The following KLHL41 variants were observed in gnomAD, a reference collection of about 807,000 sequenced individuals.
KLHL41 encodes the protein kelch-like protein 41.
KLHL41 carries 31 observed loss-of-function variants against 49.2 expected under a neutral mutation model. The observed-to-expected ratio is 0.63, with a 90% CI of 0.47 to 0.85. The LOEUF (loss-of-function observed/expected upper bound fraction) is 0.85, where lower values mean the gene tolerates loss of function less well. Among genes scored for constraint, KLHL41 ranks in the 40% least tolerant of loss-of-function variants. KLHL41 has a pLI of 0.00. For missense variants in KLHL41, 663 were observed against 726.7 expected (o/e 0.91, Z 1.01); for synonymous variants, 218 against 258.5 (o/e 0.84, Z 1.50).
At chr2:169,523,952 C>T (rs753369371) in intron 5 of KLHL41, among the ~76,000 whole-genome samples, 1 of 148,244 alleles carries the variant, frequency 6.7e-6, no homozygotes, top group Non-Finnish European at 1.5e-5. Context: ...CCTAACCACA[C>T]ATGCAGAGGT....
intron 4 of KLHL41, among the ~76,000 whole-genome samples, chr2:169,520,052 T>C (rs911718075): frequency 2.6e-5 from 4 of 152,068 alleles, no homozygotes; most frequent in African/African-American, 9.7e-5. Flanking sequence ...CAGGCTGGAA[T>C]GCAGCAATGC....
intron 3 of KLHL41, 43 bp from the exon 4 acceptor site, chr2:169,518,147 C>CA: frequency 1.4e-6 from 2 of 1,478,176 alleles, no homozygotes; most frequent in South Asian, 1.2e-5. Flanking sequence ...AAGGTGCTGT[C>CA]AAAAAAAGGT....
chr2:169,520,005 T>C (rs961768808), intron 4 of KLHL41, among the ~76,000 whole-genome samples: 1 of 152,146 alleles, frequency 6.6e-6, no homozygotes, highest in African/African-American at 2.4e-5. Context: ...TTGAATTTTT[T>C]TTTCCCCCCT....
intron 5 of KLHL41, among the ~76,000 whole-genome samples, chr2:169,523,712 TCTA>T (rs1271416842): frequency 6.6e-6 from 1 of 152,126 alleles, no homozygotes; most frequent in Admixed American, 6.5e-5. Context: ...GAACCTGTAA[TCTA>T]CTACAGTGGT....
intron 3 of KLHL41, among the ~76,000 whole-genome samples, chr2:169,517,630 T>C (rs1684136317): frequency 1.3e-5 from 2 of 152,198 alleles, no homozygotes; most frequent in Non-Finnish European, 2.9e-5. Context: ...TCTGGTAGCA[T>C]TTAGCATGTA....
At chr2:169,524,012 T>TA (rs568347956) in intron 5 of KLHL41, among the ~76,000 whole-genome samples, 77 of 150,152 alleles carry the variant, frequency 5.1e-4, no homozygotes, top group South Asian at 2.3e-3. Flanking sequence ...TTACTATACG[T>TA]AAAAAAAAAA....
intron 3 of KLHL41, among the ~76,000 whole-genome samples, chr2:169,517,361 G>A (rs1684132450): frequency 6.6e-6 from 1 of 152,238 alleles, no homozygotes; most frequent in Admixed American, 6.5e-5. Flanking sequence ...CCAGCACTTT[G>A]GGAGGCTGAG....
At chr2:169,525,407 T>C (rs540638358) in intron 5 of KLHL41, among the ~76,000 whole-genome samples, 178 bp from the exon 6 acceptor site, 2 of 152,366 alleles carry the variant, frequency 1.3e-5, no homozygotes, top group South Asian at 4.1e-4. Context: ...TTCAGGCACA[T>C]GCTCATCCAG....
In KLHL41 at chr2:169,510,229, G is replaced by T. The variant is rs1490292826; in HGVS notation, c.451G>T (p.Ala151Ser). Residue 151 changes from alanine (A) to serine (S), a missense_variant, in exon 1 of 6, where the codon GCC (alanine) becomes TCC (serine). Physicochemically the swap from Ala to Ser is moderately conservative, Grantham distance 99. Coordinates refer to ENST00000284669, the MANE Select transcript of KLHL41 (RefSeq NM_006063.3). This position sits in a 1 kb window ranked among gnomAD's most constrained non-coding sequence, Gnocchi z 4.2. ...LGLLLDCPRL[A>S]ISAREFVSDR... is the part of the protein sequence containing the mutation. ...ACTTCTTCTTGACTGCCCGAGACTCGCCATTTCTGCCCGTGAATTTGTGTC... is the reference window on the plus strand; with the variant it reads ...ACTTCTTCTTGACTGCCCGAGACTCTCCATTTCTGCCCGTGAATTTGTGTC... 2.5e-6 allele frequency: 4 copies of T among 1,613,658 alleles called. No homozygotes were observed. The highest frequency in any genetic ancestry group is 1.7e-5 in the Admixed American group (1 of 59,976).
intron 1 of KLHL41, 128 bp downstream of exon 1, chr2:169,511,016 T>G: frequency 2.6e-6 from 2 of 765,424 alleles, no homozygotes; most frequent in East Asian, 2.6e-5. Flanking sequence ...TCCAGTCCCT[T>G]GCACTTTTGC....
intron 5 of KLHL41, among the ~76,000 whole-genome samples, chr2:169,521,345 A>G (rs748882939): frequency 6.6e-6 from 1 of 152,170 alleles, no homozygotes; most frequent in Non-Finnish European, 1.5e-5. Flanking sequence ...GCTCCAGAGT[A>G]GTTTATTTCC....
intron 1 of KLHL41, among the ~76,000 whole-genome samples, chr2:169,512,762 T>C (rs1325872464): frequency 3.3e-5 from 5 of 152,142 alleles, no homozygotes; most frequent in Admixed American, 3.3e-4. Flanking sequence ...CATCAGACAA[T>C]ATTTACATGA....
rs769016106 is a variant in KLHL41, at chr2:169,509,776, A to G, written c.-3A>G. ...CCCCTTCCTTACCCAGGTTTCTCAC[A>G]GAATGGATTCCCAGCGGGAACTTGC... On this transcript the variant is annotated 5_prime_UTR_variant, in exon 1 of 6. Transcript: ENST00000284669. 3 of 1,606,538 alleles carry G rather than the reference A, an allele frequency of 1.9e-6. No homozygotes were observed. Among genetic ancestry groups the G allele is most frequent in the Non-Finnish European group, 2.5e-6 (3 of 1,178,228 alleles).
chr2:169,522,078 A>G (rs1574354429), intron 5 of KLHL41, among the ~76,000 whole-genome samples: 1 of 152,108 alleles, frequency 6.6e-6, no homozygotes, highest in African/African-American at 2.4e-5. Context: ...CAAGATTCTT[A>G]GGTGAATTGT....
At chr2:169,520,362 G>A (rs909216619) in intron 4 of KLHL41, among the ~76,000 whole-genome samples, 7 of 144,394 alleles carry the variant, frequency 4.8e-5, no homozygotes, top group East Asian at 2.1e-4. Flanking sequence ...CAGGCTGGTC[G>A]CATACTCCTT....
At chr2:169,514,525 T>C (rs1684080215) in intron 1 of KLHL41, 49 bp from the exon 2 acceptor site, 1 of 1,538,950 alleles carries the variant, frequency 6.5e-7, no homozygotes, top group African/African-American at 1.4e-5. Context: ...GGTGTACTTC[T>C]AATTTTTTTC....
At chr2:169,521,166 C>T (rs919279802) in intron 5 of KLHL41, among the ~76,000 whole-genome samples, 159 bp downstream of exon 5, 3 of 152,194 alleles carry the variant, frequency 2.0e-5, no homozygotes, top group African/African-American at 7.2e-5. Context: ...GTACATGCCA[C>T]TTACTTGAAC....
At chr2:169,511,027 T>C in intron 1 of KLHL41, 139 bp downstream of exon 1, 1 of 711,738 alleles carries the variant, frequency 1.4e-6, no homozygotes, top group Non-Finnish European at 2.3e-6. Flanking sequence ...GCACTTTTGC[T>C]GTATAGAGCG....
chr2:169,515,957 A>C (rs895971148), intron 3 of KLHL41, among the ~76,000 whole-genome samples: 3 of 152,234 alleles, frequency 2.0e-5, no homozygotes, highest in Non-Finnish European at 4.4e-5. Context: ...TTTCCAGTCA[A>C]TTCTTAAGGA....
Sources: gnomAD v4.1 joint callset for allele counts (sites outside exome capture counted in the v4.1 genomes callset) on GRCh38, gnomAD v4.1.1 for gene constraint, Gnocchi (gnomAD v3.1) non-coding constraint, MANE v1.5 for transcripts, NCBI Gene and HGNC (gene_info 2026-07-23, HGNC 2026-07-21) for gene names.